The following GOLIM4 variants were observed in gnomAD, a reference collection of about 807,000 sequenced individuals.
GOLIM4 encodes golgi integral membrane protein 4, also known as 130 kDa golgi-localized phosphoprotein.
GOLIM4 carries 71 observed loss-of-function variants against 107.4 expected under a neutral mutation model. The ratio of observed to expected loss-of-function variants is 0.66; its 90% CI spans 0.55 to 0.81. The LOEUF is 0.81. GOLIM4 is among the 30% of genes least tolerant of loss of function. The pLI, the probability that GOLIM4 is intolerant of heterozygous loss-of-function variation, is 0.00. For synonymous variants in GOLIM4, 327 were observed against 294.8 expected, an observed-to-expected ratio of 1.11 and a Z score of -1.12; for missense variants, 830 against 826.1, an observed-to-expected ratio of 1.00 and a Z score of -0.06.
chr3:168,038,914 G>A (rs534011084), intron 7 of GOLIM4, among the ~76,000 whole-genome samples: 1 of 152,234 alleles, frequency 6.6e-6, no homozygotes, highest in East Asian at 1.9e-4. Flanking sequence ...CCTTGCAAAG[G>A]GATCCAGGAG....
At chr3:168,019,852 C>T (rs889997727) in intron 14 of GOLIM4, among the ~76,000 whole-genome samples, 30 of 152,146 alleles carry the variant, frequency 2.0e-4, no homozygotes, top group African/African-American at 7.2e-4. Context: ...CAGGTGGTGA[C>T]AGCCTGATCC....
At chr3:168,065,259 A>AT (rs765520463) in intron 1 of GOLIM4, among the ~76,000 whole-genome samples, 2 of 152,254 alleles carry the variant, frequency 1.3e-5, no homozygotes, top group Non-Finnish European at 2.9e-5. Flanking sequence ...TCAGCTATAC[A>AT]TAATTCATTT....
chr3:168,092,668 G>C (rs1458177393), intron 1 of GOLIM4, among the ~76,000 whole-genome samples: 1 of 152,122 alleles, frequency 6.6e-6, no homozygotes, highest in Non-Finnish European at 1.5e-5. Context: ...TAAGACTGGA[G>C]AGCCTGATGT....
At chr3:168,059,422 T>C (rs918453189) in intron 1 of GOLIM4, among the ~76,000 whole-genome samples, 5 of 152,302 alleles carry the variant, frequency 3.3e-5, no homozygotes, top group Admixed American at 1.3e-4. Flanking sequence ...ATATGCAACA[T>C]ATCTTGGAAA....
intron 11 of GOLIM4, among the ~76,000 whole-genome samples, chr3:168,028,071 T>C (rs947962542): frequency 6.6e-6 from 1 of 152,316 alleles, no homozygotes; most frequent in Non-Finnish European, 1.5e-5. Flanking sequence ...TAAATATTTT[T>C]CACAGGAGCT....
intron 14 of GOLIM4, among the ~76,000 whole-genome samples, chr3:168,019,910 A>T (rs942944292): frequency 4.6e-5 from 7 of 152,040 alleles, no homozygotes; most frequent in African/African-American, 1.5e-4. Context: ...AACATCATTC[A>T]TTGATGACTG....
chr3:168,075,397 C>T (rs1037643523), intron 1 of GOLIM4, among the ~76,000 whole-genome samples: 4 of 145,154 alleles, frequency 2.8e-5, no homozygotes, highest in African/African-American at 1.0e-4. Flanking sequence ...CCCGGGTTCA[C>T]GCCATTCTCC....
At chr3:168,021,248 A>C (rs1214186805) in intron 14 of GOLIM4, among the ~76,000 whole-genome samples, 1 of 152,218 alleles carries the variant, frequency 6.6e-6, no homozygotes, top group Admixed American at 6.5e-5. Context: ...CAGAGAGCTG[A>C]GCCTCAAGTA....
At chr3:168,031,120 T>C (rs1359855173) in intron 9 of GOLIM4, among the ~76,000 whole-genome samples, 4 of 152,140 alleles carry the variant, frequency 2.6e-5, no homozygotes, top group Admixed American at 2.0e-4. Flanking sequence ...TTGCATATTC[T>C]CATTCATGTA....
At chr3:168,016,722 A>AT (rs1305625778) in intron 14 of GOLIM4, among the ~76,000 whole-genome samples, 1 of 135,340 alleles carries the variant, frequency 7.4e-6, no homozygotes, top group African/African-American at 3.8e-5. Flanking sequence ...ATAAAAAAGT[A>AT]TGAGTTCATG....
At chr3:168,094,823 G>T (rs1722083248) in intron 1 of GOLIM4, among the ~76,000 whole-genome samples, 6 of 152,212 alleles carry the variant, frequency 3.9e-5, no homozygotes. Flanking sequence ...TCGGGTAAAG[G>T]ACTATCTGTG....
chr3:168,029,315 C>CA lies in GOLIM4; in HGVS notation c.1434-14dup. On this transcript the variant is annotated splice_polypyrimidine_tract_variant and intron_variant, in intron 10 of 15. Coordinates refer to ENST00000470487, the MANE Select transcript of GOLIM4 (RefSeq NM_014498.5). ...ATGAGCTTGCTGCCTACAAGAGACACAAACATGATAAATCCAGTGGGACAA... is the reference window on the plus strand; with the variant it reads ...ATGAGCTTGCTGCCTACAAGAGACACAAAACATGATAAATCCAGTGGGACAA... 6.4e-7 allele frequency: 1 copy of CA among 1,565,848 alleles called. No individual in the cohort carries two copies. The highest frequency in any genetic ancestry group is 8.8e-7 in the Non-Finnish European group (1 of 1,140,938).
chr3:168,090,575 T>C (rs1482252254), intron 1 of GOLIM4, among the ~76,000 whole-genome samples: 1 of 152,202 alleles, frequency 6.6e-6, no homozygotes, highest in African/African-American at 2.4e-5. Flanking sequence ...TTGGTAGGAA[T>C]GTAAACTAGC....
intron 9 of GOLIM4, among the ~76,000 whole-genome samples, chr3:168,031,912 C>T (rs1718356748): frequency 2.0e-5 from 3 of 152,014 alleles, no homozygotes; most frequent in Admixed American, 6.6e-5. Context: ...TCTTTTAAAG[C>T]ATCATTTATA....
chr3:168,048,213 A>G lies in GOLIM4; in HGVS notation c.262+78T>C. Reference sequence around the variant, plus strand: ...ATTTGAGAACGATCTTAGCCAAAAAAAAATTGTAAACCAAGTATATGATAC... The same window carrying G: ...ATTTGAGAACGATCTTAGCCAAAAAGAAATTGTAAACCAAGTATATGATAC... On this transcript the variant is annotated intron_variant, in intron 2 of 15. Transcript: ENST00000470487. 5 of 780,964 alleles carry G rather than the reference A, an allele frequency of 6.4e-6. No individual in the cohort carries two copies. The South Asian group carries it at 7.9e-5, about 12-fold the overall frequency. 48.4% of individuals were successfully genotyped at this position (780,964 alleles called of 1,614,324 possible).
chr3:168,067,226 G>C (rs74789269), intron 1 of GOLIM4, among the ~76,000 whole-genome samples: 1 of 151,908 alleles, frequency 6.6e-6, no homozygotes, highest in Non-Finnish European at 1.5e-5. Context: ...GTTATTCAAT[G>C]ATGGAATAAA....
intron 8 of GOLIM4, 124 bp from the exon 9 acceptor site, chr3:168,032,976 A>C: frequency 1.4e-6 from 1 of 719,346 alleles, no homozygotes; most frequent in African/African-American, 1.8e-5. Context: ...AAATATATAT[A>C]GTCCTGGCTT....
chr3:168,084,506 C>A (rs977840756), intron 1 of GOLIM4, among the ~76,000 whole-genome samples: 1 of 152,098 alleles, frequency 6.6e-6, no homozygotes, highest in Admixed American at 6.6e-5. Flanking sequence ...TCCTTTAATC[C>A]CAATCAAGTT....
rs554798762 is a variant in GOLIM4 at position 168,044,254 on chromosome 3, A to T, written c.366+574T>A. 3.9e-5 allele frequency among the ~76,000 whole-genome samples: 6 copies of T among 152,296 alleles called. No homozygotes were observed. In the South Asian group the frequency reaches 1.2e-3, roughly 32 times the overall value. On this transcript the variant is annotated intron_variant, in intron 4 of 15. Transcript: ENST00000470487. Reference sequence around the variant, plus strand: ...GAGGGGGAGGCACGGTGGGGTGGAGATGCCGGCATGATCTGCATCCTGCGA... The same window carrying T: ...GAGGGGGAGGCACGGTGGGGTGGAGTTGCCGGCATGATCTGCATCCTGCGA...
Sources: allele counts gnomAD v4.1 joint callset (sites outside exome capture counted in the v4.1 genomes callset), GRCh38; gene constraint gnomAD v4.1.1; transcripts MANE v1.5; gene names NCBI Gene and HGNC (gene_info 2026-07-23, HGNC 2026-07-21).